Variants in CLSTN1 observed in about 807,000 individuals in gnomAD.
CLSTN1 encodes the protein calsyntenin 1, also known as calsyntenin-1.
CLSTN1 carries 28 observed loss-of-function variants against 108.3 expected under a neutral mutation model. The observed-to-expected ratio is 0.26, with a 90% CI of 0.19 to 0.35. CLSTN1 has a LOEUF of 0.35. Among genes scored for constraint, CLSTN1 ranks in the 10% least tolerant of loss-of-function variants. The pLI, the probability that CLSTN1 is intolerant of heterozygous loss-of-function variation, is 1.00. For missense variants in CLSTN1, 1,157 were observed against 1,302.6 expected (o/e 0.89, Z 1.72); for synonymous variants, 524 against 534.9 (o/e 0.98, Z 0.28).
At chr1:9,742,097 G>A (rs568702459) in intron 9 of CLSTN1, among the ~76,000 whole-genome samples, 11 of 152,196 alleles carry the variant, frequency 7.2e-5, no homozygotes, top group Non-Finnish European at 1.3e-4. Context: ...TCAGCCAGCT[G>A]CAATGGGCCC....
At chr1:9,766,232 A>G (rs185154942) in intron 2 of CLSTN1, among the ~76,000 whole-genome samples, 1 of 152,316 alleles carries the variant, frequency 6.6e-6, no homozygotes, top group Admixed American at 6.5e-5. Flanking sequence ...TCCTAGAAGG[A>G]GGAGCTCTGA....
intron 4 of CLSTN1, among the ~76,000 whole-genome samples, chr1:9,753,733 A>T (rs1377447820): frequency 2.0e-5 from 3 of 151,956 alleles, no homozygotes; most frequent in Non-Finnish European, 1.5e-5. Context: ...TCAGGTGAAA[A>T]TCACCTCAGG....
chr1:9,793,034 C>G (rs973923615), intron 1 of CLSTN1, among the ~76,000 whole-genome samples: 1 of 151,092 alleles, frequency 6.6e-6, no homozygotes, highest in African/African-American at 2.4e-5. Flanking sequence ...TCTTTTGAGA[C>G]AGAGTCTCAA....
chr1:9,823,184 A>AT lies in CLSTN1; in HGVS notation c.91+458_91+459insA, dbSNP rs1553184863. Among the ~76,000 whole-genome samples the AT allele has an allele frequency of 1.3e-5, 2 of 151,904 alleles. No individual in the cohort carries two copies. The highest frequency in any genetic ancestry group is 4.8e-5 in the African/African-American group (2 of 41,342). ...AAGCACACACCAAAACTGTGCGTGC[A>AT]CCCCCCGCCTGATGCACATCTGAGC... is the stretch of plus-strand genomic sequence containing the variant. On this transcript the variant is annotated intron_variant, in intron 1 of 18. Coordinates refer to ENST00000377298, the MANE Select transcript of CLSTN1 (RefSeq NM_001009566.3). This position sits in a 1 kb window ranked among gnomAD's most constrained non-coding sequence, Gnocchi z 6.3.
chr1:9,767,110 T>C (rs1017147701), intron 2 of CLSTN1, among the ~76,000 whole-genome samples: 1 of 152,376 alleles, frequency 6.6e-6, no homozygotes, highest in East Asian at 1.9e-4. Context: ...GGAGTGACTG[T>C]GTTCCAGGCA....
At chr1:9,820,516 CACAAAA>C (rs956493711) in intron 1 of CLSTN1, among the ~76,000 whole-genome samples, 2 of 151,360 alleles carry the variant, frequency 1.3e-5, no homozygotes, top group Admixed American at 6.6e-5. Flanking sequence ...GAGACTCTGT[CACAAAA>C]ACAAAAACAA....
chr1:9,775,933 T>C (rs1043325894), intron 1 of CLSTN1, among the ~76,000 whole-genome samples: 19 of 151,244 alleles, frequency 1.3e-4, no homozygotes, highest in Non-Finnish European at 2.8e-4. Context: ...TGTGAAGGCT[T>C]GCATCTGGAA....
At chr1:9,768,703 CTGTGCTGGGTGGCACCATGGGGGT>C in intron 2 of CLSTN1, among the ~76,000 whole-genome samples, 1 of 70,170 alleles carries the variant, frequency 1.4e-5, no homozygotes, top group Admixed American at 2.1e-4. Context: ...GGGTGGGGTT[CTGTGCTGGGTGGCACCATGGGGGT>C]GGGGTTGTGT....
At chr1:9,796,648 C>T (rs1174242399) in intron 1 of CLSTN1, among the ~76,000 whole-genome samples, 1 of 151,950 alleles carries the variant, frequency 6.6e-6, no homozygotes, top group Admixed American at 6.6e-5. Context: ...CACGCCACTG[C>T]ACTCCAGCCT....
intron 1 of CLSTN1, among the ~76,000 whole-genome samples, chr1:9,809,764 G>A (rs546213134): frequency 7.2e-5 from 11 of 151,826 alleles, no homozygotes; most frequent in East Asian, 2.0e-4. Flanking sequence ...AGCCGGGCGC[G>A]GTGGTGGGTG....
At chr1:9,764,376 C>A (rs553860882) in intron 2 of CLSTN1, among the ~76,000 whole-genome samples, 3 of 152,318 alleles carry the variant, frequency 2.0e-5, no homozygotes, top group East Asian at 1.9e-4. Flanking sequence ...ATGGCTCATG[C>A]CTGTAATCCC....
At chr1:9,770,734 C>T (rs1006339536) in intron 2 of CLSTN1, among the ~76,000 whole-genome samples, 9 of 152,242 alleles carry the variant, frequency 5.9e-5, no homozygotes, top group Non-Finnish European at 1.3e-4. Context: ...TGGCTCACGC[C>T]TATAATCCCA....
At chr1:9,818,282 T>C (rs1320958010) in intron 1 of CLSTN1, among the ~76,000 whole-genome samples, 1 of 151,932 alleles carries the variant, frequency 6.6e-6, no homozygotes, top group African/African-American at 2.4e-5. Context: ...AGCACTGGGA[T>C]TACAGGTGTC....
At chr1:9,746,051 A>G (rs1651253181) in intron 7 of CLSTN1, among the ~76,000 whole-genome samples, 2 of 152,132 alleles carry the variant, frequency 1.3e-5, no homozygotes, top group Middle Eastern at 3.4e-3. Context: ...TATAGGTGTG[A>G]GCCACCGCGC....
intron 1 of CLSTN1, among the ~76,000 whole-genome samples, chr1:9,822,217 T>G (rs984362493): frequency 6.6e-6 from 1 of 152,190 alleles, no homozygotes; most frequent in East Asian, 1.9e-4. Flanking sequence ...AAAGAACATT[T>G]CAAACTTAGC....
chr1:9,750,103 AAG>A, intron 5 of CLSTN1, 190 bp from the exon 6 acceptor site: 1 of 556,820 alleles, frequency 1.8e-6, no homozygotes, highest in Non-Finnish European at 3.2e-6. Flanking sequence ...ATCCATCCTG[AAG>A]AGTTTCAACA....
chr1:9,753,054 C>T (rs1651633894), intron 4 of CLSTN1, among the ~76,000 whole-genome samples: 1 of 152,000 alleles, frequency 6.6e-6, no homozygotes, highest in African/African-American at 2.4e-5. Context: ...GCCTTTTTGG[C>T]ACCAAGGACT....
In CLSTN1 at chr1:9,735,815, A is replaced by T; in HGVS notation, c.1734+70T>A. The T allele has an allele frequency of 2.5e-6, 4 of 1,585,514 alleles. No homozygotes were observed. The South Asian group carries it at 4.5e-5, about 18-fold the overall frequency. ...TCAATCACAGATTACTCACTCCCTC[A>T]TCCCACCAGCCTCCGGGGCTGTAGT... On this transcript the variant is annotated intron_variant, in intron 12 of 18. Coordinates refer to ENST00000377298, the MANE Select transcript of CLSTN1 (RefSeq NM_001009566.3).
At chr1:9,808,127 G>A (rs760634894) in intron 1 of CLSTN1, among the ~76,000 whole-genome samples, 13 of 152,142 alleles carry the variant, frequency 8.5e-5, no homozygotes, top group Non-Finnish European at 1.8e-4. Context: ...GTCTACACCT[G>A]AATCCACACA....
Sources: gnomAD v4.1 joint callset for allele counts (sites outside exome capture counted in the v4.1 genomes callset) on GRCh38, gnomAD v4.1.1 for gene constraint, Gnocchi (gnomAD v3.1) non-coding constraint, MANE v1.5 for transcripts, NCBI Gene and HGNC (gene_info 2026-07-23, HGNC 2026-07-21) for gene names.